Variants in GARRE1 observed in about 807,000 individuals in gnomAD.
The protein encoded by GARRE1 is granule associated Rac and RHOG effector protein 1.
A neutral mutation model predicts 103.2 loss-of-function variants in GARRE1; 49 were observed. The observed-to-expected ratio is 0.47, with a 90% CI of 0.38 to 0.60. The LOEUF (loss-of-function observed/expected upper bound fraction) is 0.60, where lower values mean the gene tolerates loss of function less well. Among genes scored for constraint, GARRE1 ranks in the 20% least tolerant of loss-of-function variants. The pLI is 0.00. For missense variants in GARRE1, 1,199 were observed against 1,370.5 expected, an observed-to-expected ratio of 0.87 and a Z score of 1.98; for synonymous variants, 505 against 532.8, an observed-to-expected ratio of 0.95 and a Z score of 0.72.
intron 3 of GARRE1, among the ~76,000 whole-genome samples, chr19:34,323,867 C>T (rs573211742): frequency 6.6e-6 from 1 of 152,298 alleles, no homozygotes; most frequent in East Asian, 1.9e-4. Context: ...CTGTCCAGGC[C>T]TTTCTGCCCT....
chr19:34,334,157 T>C (rs2074150270), intron 8 of GARRE1, among the ~76,000 whole-genome samples: 2 of 152,220 alleles, frequency 1.3e-5, no homozygotes, highest in Admixed American at 1.3e-4. Flanking sequence ...GTAGAGAACA[T>C]AGAATTCCTT....
At chr19:34,341,128 A>G (rs2074183666) in intron 9 of GARRE1, among the ~76,000 whole-genome samples, 1 of 152,118 alleles carries the variant, frequency 6.6e-6, no homozygotes, top group Non-Finnish European at 1.5e-5. Flanking sequence ...AGCTTCTGCA[A>G]GTTGCATCCC....
rs772403927 is a variant in GARRE1, at chr19:34,341,565, C to T, written c.1631C>T (p.Thr544Ile). The change falls in exon 10 of 14, where the codon ACC (threonine) becomes ATC (isoleucine). Residue 544 changes from threonine (T) to isoleucine (I), a missense_variant. By Grantham distance (89) the Thr-to-Ile change is moderately conservative. Transcript: ENST00000299505. ...TTCTCCAAACTGACATCCCGGTTCACCAAGAAAGCTTCATGTACCAGCTCC... is the reference window on the plus strand; with the variant it reads ...TTCTCCAAACTGACATCCCGGTTCATCAAGAAAGCTTCATGTACCAGCTCC... The part of the protein sequence containing the change: ...KTFSKLTSRF[T>I]KKASCTSSSS... The T allele has an allele frequency of 3.2e-5, 52 of 1,614,010 alleles. No individual in the cohort carries two copies. The highest frequency in any genetic ancestry group is 4.3e-5 in the Non-Finnish European group (51 of 1,180,028).
intron 3 of GARRE1, among the ~76,000 whole-genome samples, chr19:34,325,143 G>A (rs1330591899): frequency 1.3e-5 from 2 of 152,064 alleles, no homozygotes; most frequent in Non-Finnish European, 2.9e-5. Flanking sequence ...TTCCTCTTGG[G>A]TCATCCTTTC....
At chr19:34,271,096 A>G (rs1289822832) in intron 1 of GARRE1, among the ~76,000 whole-genome samples, 2 of 152,226 alleles carry the variant, frequency 1.3e-5, no homozygotes, top group African/African-American at 2.4e-5. Context: ...AAAATGGAAT[A>G]AAGTAGAATG....
At chr19:34,297,868 A>G (rs2073955574) in intron 1 of GARRE1, among the ~76,000 whole-genome samples, 1 of 152,228 alleles carries the variant, frequency 6.6e-6, no homozygotes, top group Admixed American at 6.5e-5. Flanking sequence ...TGTTGAACAT[A>G]GAGCCATAAA....
intron 1 of GARRE1, among the ~76,000 whole-genome samples, chr19:34,294,013 C>T (rs1444732517): frequency 1.3e-5 from 2 of 151,490 alleles, no homozygotes; most frequent in Non-Finnish European, 2.9e-5. Flanking sequence ...CCATCTGCCT[C>T]AGCCTCCCAA....
At chr19:34,279,166 C>T (rs533411560) in intron 1 of GARRE1, among the ~76,000 whole-genome samples, 1 of 152,296 alleles carries the variant, frequency 6.6e-6, no homozygotes, top group African/African-American at 2.4e-5. Flanking sequence ...AAGTGGATTT[C>T]CTGAATCACA....
intron 8 of GARRE1, among the ~76,000 whole-genome samples, chr19:34,334,997 C>A (rs112767990): frequency 0.019 from 2,883 of 150,772 alleles, 101 homozygotes; most frequent in African/African-American, 0.066. Context: ...GAGCCGAGAT[C>A]GTGCCACTGC....
chr19:34,262,225 C>T (rs577851582), intron 1 of GARRE1, among the ~76,000 whole-genome samples: 27 of 148,852 alleles, frequency 1.8e-4, no homozygotes, highest in Non-Finnish European at 2.7e-4. Flanking sequence ...CCTTGTGATC[C>T]GCCCACCTTG....
chr19:34,301,428 T>A (rs8105306), intron 2 of GARRE1, among the ~76,000 whole-genome samples: 2 of 150,392 alleles, frequency 1.3e-5, no homozygotes, highest in African/African-American at 4.9e-5. Flanking sequence ...GTGGGAGGAT[T>A]GCTTGAGCCC....
intron 8 of GARRE1, among the ~76,000 whole-genome samples, chr19:34,339,239 C>T (rs1469766948): frequency 6.6e-6 from 1 of 152,200 alleles, no homozygotes; most frequent in African/African-American, 2.4e-5. Flanking sequence ...AGGTTGTCAC[C>T]CGACTTCTAA....
intron 1 of GARRE1, among the ~76,000 whole-genome samples, chr19:34,277,718 C>G (rs2073825243): frequency 6.6e-6 from 1 of 152,252 alleles, no homozygotes; most frequent in South Asian, 2.1e-4. Flanking sequence ...TTCACCAAAT[C>G]ATTTTAACAG....
intron 1 of GARRE1, among the ~76,000 whole-genome samples, chr19:34,292,408 CTA>C (rs1190002399): frequency 6.6e-6 from 1 of 152,148 alleles, no homozygotes; most frequent in Non-Finnish European, 1.5e-5. Context: ...CTACTTTTGA[CTA>C]TTATGAATAA....
chr19:34,322,959 G>GTGAT, intron 3 of GARRE1, among the ~76,000 whole-genome samples: 1 of 149,842 alleles, frequency 6.7e-6, no homozygotes, highest in African/African-American at 2.5e-5. Flanking sequence ...TAGCAATATA[G>GTGAT]TGATTCATTA....
chr19:34,296,271 GAT>G (rs1376587332), intron 1 of GARRE1: 1 of 676,158 alleles, frequency 1.5e-6, no homozygotes, highest in African/African-American at 1.8e-5. Context: ...TGTAGACAGA[GAT>G]ATCTACTCTG....
At chr19:34,343,573 T>C (rs1303150835) in intron 10 of GARRE1, among the ~76,000 whole-genome samples, 1 of 152,116 alleles carries the variant, frequency 6.6e-6, no homozygotes, top group Non-Finnish European at 1.5e-5. Context: ...TGGCCAGGCA[T>C]GATGTCTCAT....
chr19:34,341,355 A>G, intron 9 of GARRE1, 67 bp from the exon 10 acceptor site: 12 of 1,348,188 alleles, frequency 8.9e-6, no homozygotes, highest in Non-Finnish European at 1.2e-5. Flanking sequence ...CTTAAATACA[A>G]AGAGGTCCAT....
Position 34,301,835 on chromosome 19 carries a change from A to G in GARRE1, c.495+867A>G, listed in dbSNP as rs374653425. On this transcript the variant is annotated intron_variant, in intron 2 of 13. Coordinates refer to ENST00000299505, the MANE Select transcript of GARRE1 (RefSeq NM_014686.5). ...GTAGCTGGGACTACAGGCACCCGCCACCTCACCCGGCTAATTTTTTCGTAT... is the reference window on the plus strand; with the variant it reads ...GTAGCTGGGACTACAGGCACCCGCCGCCTCACCCGGCTAATTTTTTCGTAT... Among the ~76,000 whole-genome samples, 3 of 151,362 alleles carry G rather than the reference A, an allele frequency of 2.0e-5. No homozygotes were observed. In the East Asian group the frequency reaches 5.9e-4, roughly 30 times the overall value.
Sources: gnomAD v4.1 joint callset for allele counts (sites outside exome capture counted in the v4.1 genomes callset) on GRCh38, gnomAD v4.1.1 for gene constraint, MANE v1.5 for transcripts, NCBI Gene and HGNC (gene_info 2026-07-23, HGNC 2026-07-21) for gene names.